The following WFS1 variants were observed in gnomAD, a reference collection of about 807,000 sequenced individuals.
WFS1 encodes wolframin.
WFS1 carries 90 observed loss-of-function variants against 68.5 expected under a neutral mutation model. The ratio of observed to expected loss-of-function variants is 1.31; its 90% CI spans 1.11 to 1.56. The LOEUF (loss-of-function observed/expected upper bound fraction) is 1.56. Ranked by LOEUF, WFS1 falls within the 40% of genes most tolerant of loss-of-function variation. The pLI is 0.00. For synonymous variants in WFS1, 860 were observed against 540.7 expected (o/e 1.59, Z -8.19); for missense variants, 1,767 against 1,232.6 (o/e 1.43, Z -6.49).
chr4:6,294,770 G>A, intron 6 of WFS1: 1 of 486,242 alleles, frequency 2.1e-6, no homozygotes, highest in Non-Finnish European at 3.8e-6. Flanking sequence ...TAAGGAGCTA[G>A]GCAGAGAGGG....
At chr4:6,278,319 G>A (rs981384142) in intron 2 of WFS1, among the ~76,000 whole-genome samples, 4 of 152,210 alleles carry the variant, frequency 2.6e-5, no homozygotes, top group African/African-American at 7.2e-5. Flanking sequence ...TGATGTGAGG[G>A]TGGTGGGTGT....
chr4:6,302,736 C>T lies in WFS1; in HGVS notation c.*268C>T, dbSNP rs1377493513. 3 of 580,398 alleles carry T rather than the reference C, an allele frequency of 5.2e-6. No individual in the cohort carries two copies. The highest frequency in any genetic ancestry group is 2.1e-5 in the South Asian group (1 of 47,430). 36.0% of individuals were successfully genotyped at this position (580,398 alleles called of 1,614,324 possible). On this transcript the variant is annotated 3_prime_UTR_variant, in exon 8 of 8. Transcript: ENST00000226760. Reference sequence around the variant, plus strand: ...ACCTTTCTGAGTGACATGGGTGTGCCAGGCTAGACTAGGAGGTTCCGGTGT... The same window carrying T: ...ACCTTTCTGAGTGACATGGGTGTGCTAGGCTAGACTAGGAGGTTCCGGTGT...
intron 7 of WFS1, among the ~76,000 whole-genome samples, chr4:6,297,300 T>C (rs1310952862): frequency 1.3e-5 from 2 of 152,186 alleles, no homozygotes; most frequent in East Asian, 3.9e-4. Context: ...CTCCCAGGGC[T>C]GAGAGCTGTC....
In WFS1 at chr4:6,295,133, G is replaced by A. The variant is rs148771011; in HGVS notation, c.805G>A (p.Glu269Lys). Residue 269 changes from glutamate to lysine, a missense_variant, in exon 7 of 8, where the codon GAA becomes AAA. Coordinates refer to ENST00000226760, the MANE Select transcript of WFS1 (RefSeq NM_006005.3). Reference protein sequence around the residue: ...IPSSLFLQDDEDDDELAGKSP... With the variant: ...IPSSLFLQDDKDDDELAGKSP... ...CAGCAGCCTGTTCCTGCAGGACGACGAAGATGATGACGAGCTGGCGGGGAA... is the reference window on the plus strand; with the variant it reads ...CAGCAGCCTGTTCCTGCAGGACGACAAAGATGATGACGAGCTGGCGGGGAA... The A allele has an allele frequency of 3.7e-6, 6 of 1,613,088 alleles. No individual in the cohort carries two copies. Among genetic ancestry groups the A allele is most frequent in the Non-Finnish European group, 4.2e-6 (5 of 1,180,022 alleles).
At chr4:6,291,780 G>A (rs927297619) in intron 5 of WFS1, 137 bp from the exon 6 acceptor site, 8 of 926,532 alleles carry the variant, frequency 8.6e-6, no homozygotes, top group Non-Finnish European at 1.4e-5. Flanking sequence ...CCTGCCCTGG[G>A]GGCCCTATGA....
At chr4:6,288,607 C>T in intron 3 of WFS1, 3 of 343,090 alleles carry the variant, frequency 8.7e-6, no homozygotes, top group Non-Finnish European at 1.7e-5. Context: ...TCTCTCCAGC[C>T]CTGGCTTTCT....
In WFS1 at chr4:6,302,798, C is replaced by T; in HGVS notation, c.*330C>T. 1 of 439,454 alleles carries T rather than the reference C, an allele frequency of 2.3e-6. No individual in the cohort carries two copies. 27.2% of individuals were successfully genotyped at this position (439,454 alleles called of 1,614,324 possible). A position where few individuals can be genotyped will look rare whatever the true frequency, so the allele number is the denominator to read the frequency against. On this transcript the variant is annotated 3_prime_UTR_variant, in exon 8 of 8. Coordinates refer to ENST00000226760, the MANE Select transcript of WFS1 (RefSeq NM_006005.3). ...CTTTACAGATGAGATTCCCTCTCCT[C>T]CCCCACCTTCAAGCACCCTGTTCCC...
At chr4:6,280,311 C>T (rs745670125) in intron 2 of WFS1, among the ~76,000 whole-genome samples, 9 of 152,354 alleles carry the variant, frequency 5.9e-5, no homozygotes, top group Non-Finnish European at 1.0e-4. Context: ...TGCCCCAGGG[C>T]TGATGGGCAG....
At chr4:6,271,739 A>G (rs1269248131) in intron 1 of WFS1, among the ~76,000 whole-genome samples, 5 of 151,926 alleles carry the variant, frequency 3.3e-5, no homozygotes, top group African/African-American at 1.2e-4. Flanking sequence ...GACGACCCCC[A>G]GGCTCCTCCC....
In WFS1 at chr4:6,301,549, T is replaced by G; in HGVS notation, c.1754T>G (p.Phe585Cys). ...CTGGCCCTGGTGGGCGTGCTGCAGTTCGCCCGGTGGTTCACGTCTCTGGAG... is the reference window on the plus strand; with the variant it reads ...CTGGCCCTGGTGGGCGTGCTGCAGTGCGCCCGGTGGTTCACGTCTCTGGAG... Reference protein sequence around the residue: ...AGLALVGVLQFARWFTSLELT... With the variant: ...AGLALVGVLQCARWFTSLELT... Residue 585 changes from phenylalanine to cysteine, a missense_variant, in exon 8 of 8, where the codon TTC (phenylalanine) becomes TGC (cysteine). Coordinates refer to ENST00000226760, the MANE Select transcript of WFS1 (RefSeq NM_006005.3). The G allele has an allele frequency of 6.2e-7, 1 of 1,614,070 alleles. No homozygotes were observed. Among genetic ancestry groups the G allele is most frequent in the South Asian group, 1.1e-5 (1 of 91,086 alleles).
At chr4:6,275,306 C>T (rs1293665991) in intron 1 of WFS1, among the ~76,000 whole-genome samples, 1 of 152,194 alleles carries the variant, frequency 6.6e-6, no homozygotes, top group Non-Finnish European at 1.5e-5. Context: ...TGACTTTTCA[C>T]CATCTCAGGT....
intron 6 of WFS1, among the ~76,000 whole-genome samples, chr4:6,294,396 G>A (rs992569061): frequency 2.0e-5 from 3 of 152,262 alleles, no homozygotes; most frequent in South Asian, 2.1e-4. Context: ...GGGGTAAGTC[G>A]GCCCATGGCA....
In WFS1 at chr4:6,295,141, T is replaced by C. The variant is rs781154526; in HGVS notation, c.813T>C (p.Asp271=). The change falls in exon 7 of 8, where the codon GAT becomes GAC. Residue 271 remains aspartate (D), a synonymous_variant. Transcript: ENST00000226760. ...TGTTCCTGCAGGACGACGAAGATGA[T>C]GACGAGCTGGCGGGGAAGAGCCCTG... The part of the protein sequence containing the change: ...SSLFLQDDED[D]DELAGKSPED... 16 of 1,612,924 alleles carry C rather than the reference T, an allele frequency of 9.9e-6. No individual in the cohort carries two copies. Among genetic ancestry groups the C allele is most frequent in the African/African-American group, 4.0e-5 (3 of 75,038 alleles).
rs1438800517 is a variant in WFS1, at chr4:6,283,727, G to T, written c.233-3366G>T. ...CCTGGCAACTCTGATTGGCCAGGTG[G>T]GGGTGCGGGCCTTCTGTGCAGCGCA... On this transcript the variant is annotated intron_variant, in intron 2 of 7. Coordinates refer to ENST00000226760, the MANE Select transcript of WFS1 (RefSeq NM_006005.3). The surrounding 1 kb of genome is among the most constrained non-coding windows in gnomAD (Gnocchi z 5.0). Among the ~76,000 whole-genome samples, 1 of 152,242 alleles carries T rather than the reference G, an allele frequency of 6.6e-6. No individual in the cohort carries two copies. The highest frequency in any genetic ancestry group is 1.9e-4 in the East Asian group (1 of 5,200).
intron 2 of WFS1, among the ~76,000 whole-genome samples, chr4:6,282,729 T>G (rs964552324): frequency 1.3e-5 from 2 of 152,196 alleles, no homozygotes; most frequent in Non-Finnish European, 2.9e-5. Flanking sequence ...CACTGCCCCT[T>G]GGGTGGGTTT....
chr4:6,286,866 G>A (rs1284858075), intron 2 of WFS1, among the ~76,000 whole-genome samples: 1 of 152,168 alleles, frequency 6.6e-6, no homozygotes, highest in South Asian at 2.1e-4. Context: ...CACCTCACCC[G>A]CATAGAGTTT....
chr4:6,276,394 C>T (rs1281640285), intron 1 of WFS1, among the ~76,000 whole-genome samples: 2 of 152,198 alleles, frequency 1.3e-5, no homozygotes, highest in South Asian at 4.1e-4. Flanking sequence ...AGCCCTTGCT[C>T]CGGCGTGACA....
chr4:6,274,101 C>T (rs1375231881), intron 1 of WFS1, among the ~76,000 whole-genome samples: 2 of 150,840 alleles, frequency 1.3e-5, no homozygotes, highest in Non-Finnish European at 2.9e-5. Flanking sequence ...GGCTGGAGTG[C>T]AGTGGCGCGA....
chr4:6,294,900 G>A, intron 6 of WFS1, 141 bp from the exon 7 acceptor site: 1 of 1,434,298 alleles, frequency 7.0e-7, no homozygotes, highest in Non-Finnish European at 9.7e-7. Flanking sequence ...GGCCGCCCAG[G>A]GAAGGGTTTC....
Sources: gnomAD v4.1 joint callset for allele counts (sites outside exome capture counted in the v4.1 genomes callset) on GRCh38, gnomAD v4.1.1 for gene constraint, Gnocchi (gnomAD v3.1) non-coding constraint, MANE v1.5 for transcripts, NCBI Gene and HGNC (gene_info 2026-07-23, HGNC 2026-07-21) for gene names.